PCCA: variants seen among roughly 807,000 people sequenced by gnomAD.
PCCA encodes the protein propionyl-CoA carboxylase alpha chain, mitochondrial.
In PCCA, 74 loss-of-function variants were observed where a neutral mutation model predicts 101.3. That is an observed-to-expected ratio of 0.73 (90% CI 0.61 to 0.89). The LOEUF (loss-of-function observed/expected upper bound fraction) is 0.89, where lower values mean the gene tolerates loss of function less well. Among genes scored for constraint, PCCA ranks in the 40% least tolerant of loss-of-function variants. The pLI is 0.00. For synonymous variants in PCCA, 294 were observed against 313.6 expected (o/e 0.94, Z 0.66); for missense variants, 891 against 907.0 (o/e 0.98, Z 0.23).
intron 21 of PCCA, among the ~76,000 whole-genome samples, chr13:100,511,416 T>A (rs1208066004): frequency 6.6e-6 from 1 of 152,170 alleles, no homozygotes; most frequent in African/African-American, 2.4e-5. Flanking sequence ...AAACCTTGAC[T>A]AGGAAGAGAG....
chr13:100,297,271 T>A (rs762621313), intron 12 of PCCA, among the ~76,000 whole-genome samples: 1 of 152,220 alleles, frequency 6.6e-6, no homozygotes, highest in Non-Finnish European at 1.5e-5. Context: ...GGGAGATACT[T>A]TGAGACTCTA....
intron 18 of PCCA, among the ~76,000 whole-genome samples, chr13:100,343,702 A>C (rs2071739080): frequency 6.6e-6 from 1 of 152,228 alleles, no homozygotes; most frequent in African/African-American, 2.4e-5. Flanking sequence ...AATGTATTAC[A>C]ATCTCACTTG....
chr13:100,229,956 T>C (rs1364840537), intron 7 of PCCA, among the ~76,000 whole-genome samples: 1 of 152,236 alleles, frequency 6.6e-6, no homozygotes, highest in Non-Finnish European at 1.5e-5. Flanking sequence ...AACTCACTTA[T>C]AAAACCGCTG....
In PCCA at chr13:100,123,454, TACA is replaced by T. The variant is rs573747341; in HGVS notation, c.300+11398_300+11400del. Among the ~76,000 whole-genome samples, 31 of 152,180 alleles carry T rather than the reference TACA, an allele frequency of 2.0e-4. No homozygotes were observed. In the East Asian group the frequency reaches 5.2e-3, roughly 26 times the overall value. ...TCCTATATATCAATAAGGTAGAAAATACAACAAGAAATGTAACCTCGTAGAAGC... is the reference window on the plus strand; with the variant it reads ...TCCTATATATCAATAAGGTAGAAAATACAAGAAATGTAACCTCGTAGAAGC... On this transcript the variant is annotated intron_variant, in intron 4 of 23. Coordinates refer to ENST00000376285, the MANE Select transcript of PCCA (RefSeq NM_000282.4).
chr13:100,401,464 G>A (rs996101517), intron 19 of PCCA, among the ~76,000 whole-genome samples: 23 of 151,980 alleles, frequency 1.5e-4, no homozygotes, highest in African/African-American at 5.3e-4. Flanking sequence ...GGCTGCTTTC[G>A]AACTCGTGAC....
rs908238136 is a variant in PCCA, at chr13:100,254,188, C to T, written c.638-3407C>T. ...TCTCATGAGAACTCACTCACTATCA[C>T]GAGGACAGTGTGGGGAAAACCGCCC... On this transcript the variant is annotated intron_variant, in intron 8 of 23. Transcript: ENST00000376285. Among the ~76,000 whole-genome samples, 12 of 152,154 alleles carry T rather than the reference C, an allele frequency of 7.9e-5. No homozygotes were observed. The South Asian group carries it at 1.9e-3, about 24-fold the overall frequency.
chr13:100,154,271 C>T (rs2053648871), intron 4 of PCCA, among the ~76,000 whole-genome samples: 1 of 152,140 alleles, frequency 6.6e-6, no homozygotes, highest in Admixed American at 6.5e-5. Context: ...GAATGCTTAG[C>T]TTCTATTATG....
At chr13:100,313,420 G>T (rs1317012403) in intron 16 of PCCA, among the ~76,000 whole-genome samples, 1 of 152,178 alleles carries the variant, frequency 6.6e-6, no homozygotes, top group Non-Finnish European at 1.5e-5. Flanking sequence ...GGAGGCTAGG[G>T]TTTTTAAAGA....
intron 16 of PCCA, among the ~76,000 whole-genome samples, chr13:100,311,861 G>T (rs1263621578): frequency 6.6e-6 from 1 of 152,118 alleles, no homozygotes; most frequent in African/African-American, 2.4e-5. Flanking sequence ...AAACAATATT[G>T]AAAGACCGTT....
At chr13:100,507,867 A>G (rs2086200139) in intron 21 of PCCA, among the ~76,000 whole-genome samples, 1 of 151,860 alleles carries the variant, frequency 6.6e-6, no homozygotes, top group South Asian at 2.1e-4. Context: ...TATGTAGGCC[A>G]GGCTGTTCTT....
rs1218003527 is a variant in PCCA at position 100,131,106 on chromosome 13, A to G, written c.300+19045A>G. On this transcript the variant is annotated intron_variant, in intron 4 of 23. Coordinates refer to ENST00000376285, the MANE Select transcript of PCCA (RefSeq NM_000282.4). Reference sequence around the variant, plus strand: ...AGACTGGGGAGGCATAGTTTTCACTAGTGAAAATGTTGCTCTAAAGAGAAA... The same window carrying G: ...AGACTGGGGAGGCATAGTTTTCACTGGTGAAAATGTTGCTCTAAAGAGAAA... Among the ~76,000 whole-genome samples, 6 of 152,220 alleles carry G rather than the reference A, an allele frequency of 3.9e-5. No individual in the cohort carries two copies. In the East Asian group the frequency reaches 1.2e-3, roughly 30 times the overall value.
intron 19 of PCCA, among the ~76,000 whole-genome samples, chr13:100,370,305 G>A (rs7989993): frequency 0.032 from 4,826 of 151,804 alleles, 254 homozygotes; most frequent in African/African-American, 0.11. Context: ...GGCTGGTCTC[G>A]AACACCTGAG....
chr13:100,099,248 G>A (rs1467545882), intron 1 of PCCA, among the ~76,000 whole-genome samples: 1 of 151,828 alleles, frequency 6.6e-6, no homozygotes. Context: ...ATATTTGCCA[G>A]TGGATTTACC....
chr13:100,150,670 G>C, intron 4 of PCCA: 2 of 1,441,584 alleles, frequency 1.4e-6, no homozygotes, highest in Non-Finnish European at 1.9e-6. Context: ...GATTTCTTCT[G>C]ATAGCTTTAT....
chr13:100,290,450 T>G (rs984566699), intron 12 of PCCA, among the ~76,000 whole-genome samples: 11 of 152,166 alleles, frequency 7.2e-5, no homozygotes, highest in African/African-American at 2.7e-4. Context: ...AGGTCTTAAG[T>G]GATCCTCCAG....
intron 21 of PCCA, among the ~76,000 whole-genome samples, chr13:100,453,624 G>A (rs1029653556): frequency 2.0e-5 from 3 of 152,140 alleles, no homozygotes; most frequent in Non-Finnish European, 2.9e-5. Context: ...AAGGTTTCAC[G>A]TCTGGCTGGT....
At position 100,275,938 on chromosome 13, in the gene PCCA, C is replaced by G. The variant is rs371615199; in HGVS notation, c.1065+2592C>G. Among the ~76,000 whole-genome samples the G allele has an allele frequency of 6.0e-4, 92 of 152,310 alleles. 1 individual carries two copies. In the South Asian group the frequency reaches 0.018, roughly 31 times the overall value. On this transcript the variant is annotated intron_variant, in intron 12 of 23. Transcript: ENST00000376285. ...CCATTTCTCTTATTATTTTAGTCAT[C>G]ATTCATTCCATTCCTCCCACATATT...
At chr13:100,103,480 A>G (rs1427891522) in intron 2 of PCCA, among the ~76,000 whole-genome samples, 2 of 148,816 alleles carry the variant, frequency 1.3e-5, no homozygotes, top group African/African-American at 5.0e-5. Context: ...CCTGGCTAAC[A>G]TTTATATTTT....
chr13:100,365,036 G>A (rs1056540135), intron 18 of PCCA, among the ~76,000 whole-genome samples: 1 of 152,178 alleles, frequency 6.6e-6, no homozygotes, highest in African/African-American at 2.4e-5. Context: ...GTGACACAGT[G>A]AGATCATGTT....
Sources: gnomAD v4.1 joint callset for allele counts (sites outside exome capture counted in the v4.1 genomes callset) on GRCh38, gnomAD v4.1.1 for gene constraint, MANE v1.5 for transcripts, NCBI Gene and HGNC (gene_info 2026-07-23, HGNC 2026-07-21) for gene names.